CCDC169: variants seen among roughly 807,000 people sequenced by gnomAD.
The protein encoded by CCDC169 is coiled-coil domain-containing protein 169.
CCDC169 carries 30 observed loss-of-function variants against 36.0 expected under a neutral mutation model. The ratio of observed to expected loss-of-function variants is 0.83; its 90% CI spans 0.62 to 1.13. The LOEUF (loss-of-function observed/expected upper bound fraction) is 1.13. Ranked by LOEUF, CCDC169 falls within the 50% of genes most tolerant of loss-of-function variation. CCDC169 has a pLI of 0.00. For missense variants in CCDC169, 245 were observed against 245.9 expected (o/e 1.00, Z 0.03); for synonymous variants, 85 against 81.5 (o/e 1.04, Z -0.23).
intron 4 of CCDC169, among the ~76,000 whole-genome samples, chr13:36,267,550 T>TA (rs1875484473): frequency 6.6e-6 from 1 of 151,606 alleles, no homozygotes; most frequent in Non-Finnish European, 1.5e-5. Context: ...AATAACACAA[T>TA]GAAAAAAAAC....
intron 4 of CCDC169, among the ~76,000 whole-genome samples, chr13:36,259,339 G>A (rs1874324183): frequency 6.6e-6 from 1 of 152,074 alleles, no homozygotes; most frequent in African/African-American, 2.4e-5. Context: ...CATTGTTACC[G>A]GATGGAAAGT....
intron 6 of CCDC169, among the ~76,000 whole-genome samples, chr13:36,249,169 G>A (rs1872843784): frequency 6.6e-6 from 1 of 152,160 alleles, no homozygotes. Flanking sequence ...AGAAACAATT[G>A]AGAATGATGA....
chr13:36,232,485 G>A (rs2138381317), intron 7 of CCDC169, among the ~76,000 whole-genome samples: 1 of 152,170 alleles, frequency 6.6e-6, no homozygotes, highest in East Asian at 1.9e-4. Flanking sequence ...AGGCTAACCA[G>A]GAAGCTTAAA....
At chr13:36,254,276 T>A in intron 4 of CCDC169, 133 bp from the exon 5 acceptor site, 68 of 231,396 alleles carry the variant, frequency 2.9e-4, no homozygotes, top group Middle Eastern at 1.6e-3. Flanking sequence ...TGATATGTAC[T>A]TTTTTTTTTT....
At chr13:36,286,310 T>C (rs578116222) in intron 2 of CCDC169, among the ~76,000 whole-genome samples, 1 of 152,338 alleles carries the variant, frequency 6.6e-6, no homozygotes, top group East Asian at 1.9e-4. Context: ...ACTATGGAAC[T>C]AGGTGCATTA....
chr13:36,227,919 A>G (rs904307351), downstream of CCDC169, among the ~76,000 whole-genome samples: 3 of 152,212 alleles, frequency 2.0e-5, no homozygotes, highest in Non-Finnish European at 4.4e-5. Context: ...GAATTATGCA[A>G]TATATGGTCT....
chr13:36,274,453 A>C (rs1177373911), intron 4 of CCDC169: 1 of 152,144 alleles, frequency 6.6e-6, no homozygotes, highest in African/African-American at 2.4e-5. Context: ...TCATAACTTA[A>C]TGTTCTTGAT....
At chr13:36,290,524 C>T (rs1438382960) in intron 2 of CCDC169, among the ~76,000 whole-genome samples, 1 of 151,952 alleles carries the variant, frequency 6.6e-6, no homozygotes, top group East Asian at 1.9e-4. Flanking sequence ...CAGGGGCTAT[C>T]GCAGAAGTGT....
chr13:36,228,895 G>C (rs1190605957), downstream of CCDC169, among the ~76,000 whole-genome samples: 1 of 152,158 alleles, frequency 6.6e-6, no homozygotes, highest in Non-Finnish European at 1.5e-5. Flanking sequence ...CTTAGAACTG[G>C]ATAAAACTTT....
intron 7 of CCDC169, 42 bp from the exon 8 acceptor site, chr13:36,231,334 T>G: frequency 6.5e-7 from 1 of 1,536,862 alleles, no homozygotes; most frequent in South Asian, 1.2e-5. Context: ...CAGTCACCAT[T>G]ATGTACAACA....
At chr13:36,254,767 A>G (rs1873635544) in intron 4 of CCDC169, among the ~76,000 whole-genome samples, 1 of 152,228 alleles carries the variant, frequency 6.6e-6, no homozygotes, top group South Asian at 2.1e-4. Flanking sequence ...AATGAATAGT[A>G]GCTAAACTAA....
At chr13:36,258,299 TG>T (rs1222381776) in intron 4 of CCDC169, among the ~76,000 whole-genome samples, 20 of 152,300 alleles carry the variant, frequency 1.3e-4, no homozygotes, top group African/African-American at 4.8e-4. Flanking sequence ...CAGAGGTTTT[TG>T]TCAGAGGCAT....
intron 4 of CCDC169, among the ~76,000 whole-genome samples, chr13:36,264,109 A>G (rs1345089679): frequency 1.3e-5 from 2 of 152,218 alleles, no homozygotes; most frequent in African/African-American, 2.4e-5. Context: ...TCTGAAACAC[A>G]AATTATTTTG....
At chr13:36,273,694 G>C (rs1287304851) in intron 4 of CCDC169, among the ~76,000 whole-genome samples, 3 of 152,020 alleles carry the variant, frequency 2.0e-5, no homozygotes, top group Admixed American at 2.0e-4. Context: ...ACCCACCCTG[G>C]TATTTGAGTT....
intron 7 of CCDC169, among the ~76,000 whole-genome samples, chr13:36,232,025 T>C (rs776774224): frequency 2.7e-4 from 41 of 152,126 alleles, no homozygotes; most frequent in Non-Finnish European, 4.9e-4. Context: ...CCCTGGAAAT[T>C]AACGAAAGTG....
At chr13:36,260,113 T>C (rs1415990868) in intron 4 of CCDC169, among the ~76,000 whole-genome samples, 1 of 152,264 alleles carries the variant, frequency 6.6e-6, no homozygotes, top group Non-Finnish European at 1.5e-5. Flanking sequence ...TATATTTCTA[T>C]CTAACTGTTG....
In CCDC169 at chr13:36,297,740, C is replaced by T. The variant is rs1349316437; in HGVS notation, c.-21G>A. The T allele has an allele frequency of 1.3e-6, 2 of 1,549,226 alleles. No individual in the cohort carries two copies. The highest frequency in any genetic ancestry group is 1.4e-5 in the African/African-American group (1 of 73,152). The stretch of plus-strand genomic sequence containing the variant: ...TTCATAGTGTCAGGCCAGAGACCTC[C>T]CGCGTCTTTCCCCTCAGCACCTTAG... On this transcript the variant is annotated 5_prime_UTR_variant, in exon 1 of 8. Transcript: ENST00000239859.
downstream of CCDC169, chr13:36,224,434 T>C (rs1462125835): frequency 2.6e-5 from 4 of 152,040 alleles, no homozygotes; most frequent in Non-Finnish European, 5.9e-5. Context: ...TTCGGTAAAG[T>C]TTCAGGATAC....
intron 7 of CCDC169, 79 bp downstream of exon 7, chr13:36,248,527 T>C (rs1872758987): frequency 1.5e-6 from 2 of 1,359,304 alleles, no homozygotes; most frequent in Admixed American, 2.2e-5. Flanking sequence ...GCTTCCAAAA[T>C]ATAGTGGACA....
Sources: allele counts gnomAD v4.1 joint callset (sites outside exome capture counted in the v4.1 genomes callset), GRCh38; gene constraint gnomAD v4.1.1; transcripts MANE v1.5; gene names NCBI Gene and HGNC (gene_info 2026-07-23, HGNC 2026-07-21).